Variants in PRKCE observed in about 807,000 individuals in gnomAD.
The protein encoded by PRKCE is protein kinase C epsilon type.
A neutral mutation model predicts 85.4 loss-of-function variants in PRKCE; 16 were observed. That is an observed-to-expected ratio of 0.19 (90% CI 0.13 to 0.28). PRKCE has a LOEUF of 0.28. Among genes scored for constraint, PRKCE ranks in the 10% least tolerant of loss-of-function variants. The pLI, the probability that PRKCE is intolerant of heterozygous loss-of-function variation, is 1.00. For synonymous variants in PRKCE, 388 were observed against 371.5 expected (o/e 1.04, Z -0.51); for missense variants, 573 against 975.2 (o/e 0.59, Z 5.49).
chr2:45,940,980 C>G (rs913063908), intron 2 of PRKCE, among the ~76,000 whole-genome samples: 1 of 148,606 alleles, frequency 6.7e-6, no homozygotes, highest in African/African-American at 2.5e-5. Context: ...GCAGGAGACT[C>G]GCTTGAGCCT....
At chr2:45,875,205 G>C (rs1233202405) in intron 2 of PRKCE, among the ~76,000 whole-genome samples, 1 of 152,162 alleles carries the variant, frequency 6.6e-6, no homozygotes, top group Non-Finnish European at 1.5e-5. Flanking sequence ...TGGGAGAAGA[G>C]AACCAAATGA....
intron 2 of PRKCE, among the ~76,000 whole-genome samples, chr2:45,896,731 A>G (rs1696173292): frequency 6.6e-6 from 1 of 152,214 alleles, no homozygotes; most frequent in African/African-American, 2.4e-5. Context: ...CTCCTGAGTA[A>G]CCAACAGTGA....
intron 10 of PRKCE, among the ~76,000 whole-genome samples, chr2:46,054,348 G>T (rs1308449469): frequency 6.6e-6 from 1 of 152,304 alleles, no homozygotes; most frequent in East Asian, 1.9e-4. Flanking sequence ...AAACTAACAC[G>T]CAGGACATTA....
chr2:45,740,797 G>T (rs528438348), intron 1 of PRKCE, among the ~76,000 whole-genome samples: 91 of 152,250 alleles, frequency 6.0e-4, no homozygotes, highest in African/African-American at 1.9e-3. Context: ...TTCTACCTGG[G>T]TTCATCTCAG....
intron 1 of PRKCE, among the ~76,000 whole-genome samples, chr2:45,735,162 A>G (rs1681945979): frequency 6.6e-6 from 1 of 152,220 alleles, no homozygotes; most frequent in South Asian, 2.1e-4. Flanking sequence ...TGTGATTGCA[A>G]CACCACATGT....
intron 2 of PRKCE, among the ~76,000 whole-genome samples, chr2:45,918,014 C>G (rs1038787931): frequency 6.6e-6 from 1 of 152,246 alleles, no homozygotes; most frequent in East Asian, 1.9e-4. Flanking sequence ...CTAGCTGGCC[C>G]GCTAGCGCCG....
In PRKCE at chr2:45,762,629, G is replaced by T. The variant is rs77641324; in HGVS notation, c.349-80371G>T. On this transcript the variant is annotated intron_variant, in intron 1 of 14. Coordinates refer to ENST00000306156, the MANE Select transcript of PRKCE (RefSeq NM_005400.3). Reference sequence around the variant, plus strand: ...ATGTTATCTAAAAGATACATGGAGAGTGATTCTTCCCAGACCAGCACATCT... The same window carrying T: ...ATGTTATCTAAAAGATACATGGAGATTGATTCTTCCCAGACCAGCACATCT... Among the ~76,000 whole-genome samples the T allele has an allele frequency of 6.8e-3, 1,043 of 152,324 alleles. 8 individuals carry two copies. The highest frequency in any genetic ancestry group is 0.024 in the African/African-American group (981 of 41,574).
chr2:45,936,162 C>A (rs1438495281), intron 2 of PRKCE, among the ~76,000 whole-genome samples: 1 of 152,158 alleles, frequency 6.6e-6, no homozygotes, highest in African/African-American at 2.4e-5. Context: ...GCTATGGCGA[C>A]CCACTGAAGA....
At chr2:46,143,776 T>A (rs1675793633) in intron 11 of PRKCE, among the ~76,000 whole-genome samples, 1 of 152,192 alleles carries the variant, frequency 6.6e-6, no homozygotes, top group Non-Finnish European at 1.5e-5. Flanking sequence ...TTCATGAGCA[T>A]TTGCTTACAG....
In PRKCE at chr2:46,048,648, G is replaced by A. The variant is rs771151166; in HGVS notation, c.1438-37560G>A. Among the ~76,000 whole-genome samples the A allele has an allele frequency of 8.1e-4, 124 of 152,174 alleles. 1 individual carries two copies. The highest frequency in any genetic ancestry group is 2.4e-4 in the Non-Finnish European group (16 of 68,040). ...CTCCAGGGGGAGACGGATGATAGCT[G>A]GAAGTGATCTACTCTGCTTATGGGT... On this transcript the variant is annotated intron_variant, in intron 10 of 14. Transcript: ENST00000306156.
At chr2:45,989,462 G>T (rs1304588391) in intron 6 of PRKCE, among the ~76,000 whole-genome samples, 3 of 152,144 alleles carry the variant, frequency 2.0e-5, no homozygotes, top group Non-Finnish European at 4.4e-5. Flanking sequence ...TAGCTGGGAG[G>T]TTGCAAGCAG....
At chr2:45,705,944 C>T (rs897290789) in intron 1 of PRKCE, among the ~76,000 whole-genome samples, 2 of 152,154 alleles carry the variant, frequency 1.3e-5, no homozygotes, top group African/African-American at 2.4e-5. Context: ...TTGTCAGTTG[C>T]TTTAAGTTAG....
chr2:46,058,430 A>G (rs573411987), intron 10 of PRKCE, among the ~76,000 whole-genome samples: 10 of 152,330 alleles, frequency 6.6e-5, no homozygotes, highest in Admixed American at 6.5e-4. Context: ...ACTGCCAAAT[A>G]TTTATTTAAT....
intron 10 of PRKCE, among the ~76,000 whole-genome samples, chr2:46,070,092 T>G (rs1667947480): frequency 6.6e-6 from 1 of 152,150 alleles, no homozygotes; most frequent in African/African-American, 2.4e-5. Flanking sequence ...GATGGTGGAG[T>G]TTGCTACAAA....
chr2:45,873,455 C>CAAAAAAAAAAAAAAAAAA (rs56281653), intron 2 of PRKCE, among the ~76,000 whole-genome samples: 1 of 143,826 alleles, frequency 7.0e-6, no homozygotes, highest in Non-Finnish European at 1.5e-5. Flanking sequence ...TAGTAGACTG[C>CAAAAAAAAAAAAAAAAAA]AAAAAAAAAA....
At chr2:46,010,229 T>C in intron 9 of PRKCE, 115 bp from the exon 10 acceptor site, 1 of 1,188,602 alleles carries the variant, frequency 8.4e-7, no homozygotes, top group Non-Finnish European at 1.1e-6. Flanking sequence ...CTTGTTATAA[T>C]ATTTAAAATT....
At chr2:45,964,178 G>A (rs1701579612) in intron 2 of PRKCE, among the ~76,000 whole-genome samples, 1 of 152,106 alleles carries the variant, frequency 6.6e-6, no homozygotes, top group Non-Finnish European at 1.5e-5. Flanking sequence ...CACTCTACTC[G>A]GCACATTCAC....
At chr2:45,725,136 A>G (rs1414178284) in intron 1 of PRKCE, among the ~76,000 whole-genome samples, 1 of 152,244 alleles carries the variant, frequency 6.6e-6, no homozygotes, top group Non-Finnish European at 1.5e-5. Flanking sequence ...GTGCTCATTT[A>G]CCATTCTTTA....
At chr2:45,748,368 C>T (rs950601894) in intron 1 of PRKCE, among the ~76,000 whole-genome samples, 1 of 152,240 alleles carries the variant, frequency 6.6e-6, no homozygotes, top group Non-Finnish European at 1.5e-5. Context: ...GCCTGCCTGA[C>T]TCCCCACGTT....
Sources: allele counts gnomAD v4.1 joint callset (sites outside exome capture counted in the v4.1 genomes callset), GRCh38; gene constraint gnomAD v4.1.1; transcripts MANE v1.5; gene names NCBI Gene and HGNC (gene_info 2026-07-23, HGNC 2026-07-21).